Variants in TRABD2B observed in about 807,000 individuals in gnomAD.
TRABD2B encodes metalloprotease TIKI2.
TRABD2B carries 14 observed loss-of-function variants against 40.1 expected under a neutral mutation model. The ratio of observed to expected loss-of-function variants is 0.35; its 90% confidence interval spans 0.23 to 0.55. TRABD2B has a LOEUF of 0.55. Among genes scored for constraint, TRABD2B ranks in the 20% least tolerant of loss-of-function variants. The probability of loss-of-function intolerance (pLI) is 0.90; values close to 1 mark genes in which losing one functional copy is unlikely to be tolerated. For synonymous variants in TRABD2B, 263 were observed against 277.0 expected (o/e 0.95, Z 0.50); for missense variants, 541 against 648.6 (o/e 0.83, Z 1.80).
chr1:47,937,149 A>G (rs1382480502), intron 2 of TRABD2B, among the ~76,000 whole-genome samples: 1 of 151,506 alleles, frequency 6.6e-6, no homozygotes, highest in Non-Finnish European at 1.5e-5. Context: ...TACCACTACC[A>G]TGATCATCAC....
At chr1:47,935,251 T>G (rs1645091611) in intron 2 of TRABD2B, among the ~76,000 whole-genome samples, 1 of 152,226 alleles carries the variant, frequency 6.6e-6, no homozygotes, top group African/African-American at 2.4e-5. Flanking sequence ...CTTATCCACA[T>G]TTGACAGACT....
intron 2 of TRABD2B, among the ~76,000 whole-genome samples, chr1:47,879,952 TG>T (rs1644279057): frequency 6.6e-6 from 1 of 152,240 alleles, no homozygotes; most frequent in East Asian, 1.9e-4. Flanking sequence ...ATTCTTTGTC[TG>T]GAGTAACAAC....
At chr1:47,932,753 T>C (rs1645055962) in intron 2 of TRABD2B, among the ~76,000 whole-genome samples, 1 of 152,162 alleles carries the variant, frequency 6.6e-6, no homozygotes, top group South Asian at 2.1e-4. Flanking sequence ...AGCCCCACTA[T>C]TTAATGGCTG....
At chr1:47,835,832 G>A (rs1645311019) in intron 2 of TRABD2B, among the ~76,000 whole-genome samples, 1 of 152,042 alleles carries the variant, frequency 6.6e-6, no homozygotes. Context: ...AGAAATAAAG[G>A]GTACCAGTAA....
chr1:47,828,265 T>C (rs1004234016), intron 2 of TRABD2B, among the ~76,000 whole-genome samples: 4 of 152,140 alleles, frequency 2.6e-5, no homozygotes, highest in African/African-American at 9.7e-5. Context: ...TGGCTGGTCC[T>C]TGGAATTCTG....
chr1:47,824,544 G>A (rs945737446), intron 2 of TRABD2B, among the ~76,000 whole-genome samples: 6 of 152,208 alleles, frequency 3.9e-5, no homozygotes, highest in Non-Finnish European at 8.8e-5. Flanking sequence ...CTGGTAGGCA[G>A]AGGAAGTGGC....
intron 3 of TRABD2B, among the ~76,000 whole-genome samples, chr1:47,798,081 G>A (rs548345943): frequency 1.3e-5 from 2 of 152,304 alleles, no homozygotes; most frequent in African/African-American, 4.8e-5. Context: ...TAGGGGGCCT[G>A]AGAGCTTCCT....
chr1:47,814,188 G>A (rs1264365722), intron 2 of TRABD2B, among the ~76,000 whole-genome samples: 1 of 152,254 alleles, frequency 6.6e-6, no homozygotes, highest in African/African-American at 2.4e-5. Flanking sequence ...CATGTTCAGG[G>A]CCGTGTCAGT....
At chr1:47,810,465 G>A (rs779858310) in intron 2 of TRABD2B, among the ~76,000 whole-genome samples, 4 of 152,204 alleles carry the variant, frequency 2.6e-5, no homozygotes, top group South Asian at 2.1e-4. Context: ...AGGGAGCCAC[G>A]TGGGTATCTG....
At chr1:47,922,635 T>C (rs1214608431) in intron 2 of TRABD2B, among the ~76,000 whole-genome samples, 1 of 152,162 alleles carries the variant, frequency 6.6e-6, no homozygotes, top group Non-Finnish European at 1.5e-5. Flanking sequence ...GATAATGATA[T>C]GCACCTTTGA....
chr1:47,914,272 G>A (rs1644800150), intron 2 of TRABD2B, among the ~76,000 whole-genome samples: 1 of 152,268 alleles, frequency 6.6e-6, no homozygotes, highest in Admixed American at 6.5e-5. Flanking sequence ...CCCAGGGAAT[G>A]CAAGCATTGC....
chr1:47,865,362 C>T (rs572150708), intron 2 of TRABD2B, among the ~76,000 whole-genome samples: 57 of 151,976 alleles, frequency 3.8e-4, no homozygotes, highest in Middle Eastern at 3.4e-3. Flanking sequence ...ACCCAAAGGC[C>T]CCACCTCTCG....
At chr1:47,791,832 G>A (rs768625629) in intron 4 of TRABD2B, among the ~76,000 whole-genome samples, 1 of 152,190 alleles carries the variant, frequency 6.6e-6, no homozygotes, top group Non-Finnish European at 1.5e-5. Flanking sequence ...TAACAGGCCC[G>A]CTGGGGTGGC....
chr1:47,888,360 G>A (rs911310280), intron 2 of TRABD2B, among the ~76,000 whole-genome samples: 1 of 152,168 alleles, frequency 6.6e-6, no homozygotes, highest in African/African-American at 2.4e-5. Context: ...CCCCTGCTTG[G>A]GTTTGAGGGC....
At chr1:47,831,249 C>G (rs564920434) in intron 2 of TRABD2B, among the ~76,000 whole-genome samples, 1 of 152,248 alleles carries the variant, frequency 6.6e-6, no homozygotes, top group East Asian at 1.9e-4. Flanking sequence ...TAGCCCAGAG[C>G]CTCGGTGGGA....
At chr1:47,791,144 G>C (rs974280594) in intron 4 of TRABD2B, among the ~76,000 whole-genome samples, 4 of 152,230 alleles carry the variant, frequency 2.6e-5, no homozygotes, top group Non-Finnish European at 4.4e-5. Flanking sequence ...TTCTGGAGCT[G>C]GGCTGGGTCG....
intron 4 of TRABD2B, among the ~76,000 whole-genome samples, chr1:47,785,186 G>A (rs1644579039): frequency 6.6e-6 from 1 of 152,222 alleles, no homozygotes; most frequent in Admixed American, 6.5e-5. Flanking sequence ...ACACGAGGGT[G>A]TCCCTCCTCC....
chr1:47,861,099 T>C (rs1423687001), intron 2 of TRABD2B, among the ~76,000 whole-genome samples: 1 of 152,216 alleles, frequency 6.6e-6, no homozygotes, highest in Non-Finnish European at 1.5e-5. Context: ...TGTTTACTGG[T>C]TCCCAGAAGA....
At chr1:47,809,168 T>C (rs532813645) in intron 2 of TRABD2B, among the ~76,000 whole-genome samples, 12 of 152,248 alleles carry the variant, frequency 7.9e-5, no homozygotes, top group South Asian at 2.1e-4. Context: ...CTCTGAGCCA[T>C]GGACTGCAAG....
Sources: gnomAD v4.1 joint callset for allele counts (sites outside exome capture counted in the v4.1 genomes callset) on GRCh38, gnomAD v4.1.1 for gene constraint, MANE v1.5 for transcripts, NCBI Gene and HGNC (gene_info 2026-07-23, HGNC 2026-07-21) for gene names.